Variants in DDX10 observed in about 807,000 individuals in gnomAD.
The protein encoded by DDX10 is DEAD-box helicase 10, also known as probable ATP-dependent RNA helicase DDX10.
A neutral mutation model predicts 104.3 loss-of-function variants in DDX10; 74 were observed. The observed-to-expected ratio is 0.71, with a 90% CI of 0.59 to 0.86. The LOEUF is 0.86. DDX10 is among the 40% of genes least tolerant of loss of function. The pLI is 0.00. For synonymous variants in DDX10, 351 were observed against 353.4 expected (o/e 0.99, Z 0.08); for missense variants, 952 against 1,040.0 (o/e 0.92, Z 1.16).
intron 11 of DDX10, among the ~76,000 whole-genome samples, chr11:108,716,280 A>G (rs1463742736): frequency 6.6e-6 from 1 of 152,056 alleles, no homozygotes; most frequent in African/African-American, 2.4e-5. Flanking sequence ...TTTGTATTGT[A>G]GTAGAGACAG....
Position 108,841,472 on chromosome 11 carries a change from A to G in DDX10, c.2243A>G (p.His748Arg), listed in dbSNP as rs1156858089. The G allele has an allele frequency of 6.2e-7, 1 of 1,613,636 alleles. No homozygotes were observed. Among genetic ancestry groups the G allele is most frequent in the Non-Finnish European group, 8.5e-7 (1 of 1,179,720 alleles). ...EEYRKKIKAK[H>R]REKRLKEREA... ...TATAGGAAAAAAATTAAGGCAAAGC[A>G]TCGGGTAAGCTTTCCATCTTGAATT... Residue 748 changes from histidine (H) to arginine (R), a missense_variant, in exon 15 of 18, where the codon CAT (histidine) becomes CGT (arginine). This residue lies in a region of DDX10 where 533 missense variants were observed against 534.1 expected (regional missense o/e 1.00). Transcript: ENST00000322536.
intron 13 of DDX10, among the ~76,000 whole-genome samples, chr11:108,762,710 C>G (rs1049368315): frequency 2.0e-5 from 3 of 152,120 alleles, no homozygotes; most frequent in Admixed American, 2.0e-4. Flanking sequence ...AAAGTTAAGT[C>G]TAGATCATGG....
At chr11:108,854,647 G>T (rs773788719) in intron 16 of DDX10, among the ~76,000 whole-genome samples, 3 of 152,132 alleles carry the variant, frequency 2.0e-5, no homozygotes, top group Admixed American at 1.3e-4. Context: ...GAGGACTCAC[G>T]TAGCTGTCTT....
intron 13 of DDX10, among the ~76,000 whole-genome samples, chr11:108,790,017 C>T (rs768379041): frequency 1.3e-5 from 2 of 152,126 alleles, no homozygotes; most frequent in African/African-American, 4.8e-5. Flanking sequence ...TTTTATTGTG[C>T]AAGTAGCTAG....
At chr11:108,843,752 A>G (rs1410829859) in intron 15 of DDX10, among the ~76,000 whole-genome samples, 1 of 143,160 alleles carries the variant, frequency 7.0e-6, no homozygotes, top group Non-Finnish European at 1.5e-5. Context: ...GTGAGACTCC[A>G]TCGAAAAAAA....
At chr11:108,757,374 T>G (rs1213142741) in intron 13 of DDX10, among the ~76,000 whole-genome samples, 1 of 152,072 alleles carries the variant, frequency 6.6e-6, no homozygotes, top group East Asian at 1.9e-4. Flanking sequence ...AAATATTTAC[T>G]GTTAACCATA....
At chr11:108,829,290 T>C (rs1354054364) in intron 13 of DDX10, among the ~76,000 whole-genome samples, 1 of 152,206 alleles carries the variant, frequency 6.6e-6, no homozygotes, top group Admixed American at 6.5e-5. Flanking sequence ...ATTATGGCCA[T>C]TGCTGCAGGA....
intron 13 of DDX10, among the ~76,000 whole-genome samples, chr11:108,756,938 T>C (rs1224482651): frequency 6.6e-6 from 1 of 152,088 alleles, no homozygotes; most frequent in Non-Finnish European, 1.5e-5. Context: ...TAGAATTATC[T>C]CTTTTATAAT....
chr11:108,788,221 G>A lies in DDX10; in HGVS notation c.1966-50225G>A, dbSNP rs539672851. 5.3e-5 allele frequency among the ~76,000 whole-genome samples: 8 copies of A among 152,292 alleles called. No homozygotes were observed. In the East Asian group the frequency reaches 1.3e-3, roughly 26 times the overall value. On this transcript the variant is annotated intron_variant, in intron 13 of 17. Transcript: ENST00000322536. ...GGCTTTTTGAGTTGCCAGAGTTCTT[G>A]TGCTGATTCTTTCTTGTGTGTGAGG... is the stretch of plus-strand genomic sequence containing the variant.
chr11:108,824,258 A>C (rs898057822), intron 13 of DDX10, among the ~76,000 whole-genome samples: 2 of 152,010 alleles, frequency 1.3e-5, no homozygotes, highest in African/African-American at 4.8e-5. Flanking sequence ...GGCCAGGCTC[A>C]TCTCGAACTC....
intron 13 of DDX10, among the ~76,000 whole-genome samples, chr11:108,778,296 C>T (rs1707564027): frequency 1.3e-5 from 2 of 152,018 alleles, no homozygotes; most frequent in African/African-American, 2.4e-5. Flanking sequence ...TCAAACTATA[C>T]TACAAGGCTA....
At chr11:108,850,805 G>T (rs151177707) in intron 15 of DDX10, among the ~76,000 whole-genome samples, 1 of 152,220 alleles carries the variant, frequency 6.6e-6, no homozygotes, top group Non-Finnish European at 1.5e-5. Context: ...TGAGGACTTC[G>T]GCTCCCCAGG....
intron 13 of DDX10, among the ~76,000 whole-genome samples, chr11:108,741,851 A>G (rs1264311525): frequency 6.6e-6 from 1 of 152,184 alleles, no homozygotes; most frequent in Non-Finnish European, 1.5e-5. Flanking sequence ...TCTCAAATTA[A>G]TAACCTAGTC....
At chr11:108,846,752 A>G (rs1213596584) in intron 15 of DDX10, among the ~76,000 whole-genome samples, 1 of 152,202 alleles carries the variant, frequency 6.6e-6, no homozygotes, top group East Asian at 1.9e-4. Context: ...GCAGACATCT[A>G]TTTGACATAC....
intron 13 of DDX10, chr11:108,822,471 C>T: frequency 3.1e-6 from 1 of 317,646 alleles, no homozygotes; most frequent in Non-Finnish European, 6.1e-6. Context: ...TATCCTTTCC[C>T]CAGGTGATGC....
At chr11:108,873,706 A>G (rs1398308311) in intron 16 of DDX10, among the ~76,000 whole-genome samples, 1 of 152,218 alleles carries the variant, frequency 6.6e-6, no homozygotes, top group Middle Eastern at 3.2e-3. Flanking sequence ...AGGAGAATTC[A>G]GACTTAAGGC....
At chr11:108,935,170 T>A (rs1864021401) in intron 17 of DDX10, among the ~76,000 whole-genome samples, 1 of 152,134 alleles carries the variant, frequency 6.6e-6, no homozygotes, top group South Asian at 2.1e-4. Flanking sequence ...CACCTCAAGG[T>A]GGAATCCTTG....
chr11:108,718,348 CT>C lies in DDX10; in HGVS notation c.1411-1445del, dbSNP rs537735089. Reference sequence around the variant, plus strand: ...CTATAAGCTCACTTTACCTGAGAACCTTTTCATTAAAGGATCTTTGAACAAA... The same window carrying C: ...CTATAAGCTCACTTTACCTGAGAACCTTTCATTAAAGGATCTTTGAACAAA... On this transcript the variant is annotated intron_variant, in intron 11 of 17. Transcript: ENST00000322536. Among the ~76,000 whole-genome samples, 73 of 152,186 alleles carry C rather than the reference CT, an allele frequency of 4.8e-4. No homozygotes were observed. The East Asian group carries it at 0.013, about 27-fold the overall frequency.
chr11:108,733,294 TTC>T (rs758788561), intron 13 of DDX10, among the ~76,000 whole-genome samples: 65 of 152,160 alleles, frequency 4.3e-4, no homozygotes, highest in Non-Finnish European at 8.8e-4. Flanking sequence ...TCTTCACTTT[TTC>T]TCTTTCTCTC....
Sources: allele counts gnomAD v4.1 joint callset (sites outside exome capture counted in the v4.1 genomes callset), GRCh38; gene constraint gnomAD v4.1.1; regional missense constraint gnomAD v4.1.1; transcripts MANE v1.5; gene names NCBI Gene and HGNC (gene_info 2026-07-23, HGNC 2026-07-21).